RABGAP1L: variants seen among roughly 807,000 people sequenced by gnomAD.
RABGAP1L encodes the protein rab GTPase-activating protein 1-like.
Under a neutral mutation model 137.7 loss-of-function variants are expected in RABGAP1L, and 63 were observed. The ratio of observed to expected loss-of-function variants is 0.46; its 90% CI spans 0.37 to 0.56. The LOEUF is 0.56. RABGAP1L is among the 20% of genes least tolerant of loss of function. The probability of loss-of-function intolerance (pLI) is 0.00; values close to 1 mark genes in which losing one functional copy is unlikely to be tolerated. For synonymous variants in RABGAP1L, 431 were observed against 433.7 expected (o/e 0.99, Z 0.08); for missense variants, 1,095 against 1,244.0 (o/e 0.88, Z 1.80).
At chr1:174,760,241 T>G (rs1278471898) in intron 18 of RABGAP1L, among the ~76,000 whole-genome samples, 1 of 152,082 alleles carries the variant, frequency 6.6e-6, no homozygotes, top group Non-Finnish European at 1.5e-5. Context: ...TATAGATAAA[T>G]TGTGTGTCAT....
intron 17 of RABGAP1L, among the ~76,000 whole-genome samples, chr1:174,709,817 A>G (rs1274221414): frequency 6.6e-6 from 1 of 152,232 alleles, no homozygotes; most frequent in African/African-American, 2.4e-5. Flanking sequence ...AACTGGATGG[A>G]GAATGAGTTT....
At chr1:174,218,908 T>C (rs1669541363) in intron 1 of RABGAP1L, among the ~76,000 whole-genome samples, 1 of 152,166 alleles carries the variant, frequency 6.6e-6, no homozygotes, top group Non-Finnish European at 1.5e-5. Flanking sequence ...GGTAACAATA[T>C]GGCTCTATTA....
intron 19 of RABGAP1L, among the ~76,000 whole-genome samples, chr1:174,865,391 A>G (rs1325407122): frequency 6.6e-6 from 1 of 152,214 alleles, no homozygotes; most frequent in Admixed American, 6.5e-5. Context: ...AGTCTACATT[A>G]AAGAGAAACT....
intron 19 of RABGAP1L, among the ~76,000 whole-genome samples, chr1:174,817,299 T>C (rs1462238229): frequency 2.0e-5 from 3 of 152,184 alleles, no homozygotes; most frequent in Admixed American, 6.5e-5. Flanking sequence ...AAGTTATTTA[T>C]TGAGTGCCTG....
At chr1:174,383,640 G>C (rs566541160) in intron 12 of RABGAP1L, among the ~76,000 whole-genome samples, 1 of 152,292 alleles carries the variant, frequency 6.6e-6, no homozygotes, top group African/African-American at 2.4e-5. Flanking sequence ...GCCTCGCCCT[G>C]CTTCGGCTCG....
intron 14 of RABGAP1L, among the ~76,000 whole-genome samples, chr1:174,678,561 C>T (rs762654261): frequency 5.3e-5 from 8 of 152,048 alleles, no homozygotes; most frequent in Admixed American, 1.3e-4. Context: ...ATTTGAAAAT[C>T]GATATATTTT....
chr1:174,207,226 T>G (rs554161622), intron 1 of RABGAP1L, among the ~76,000 whole-genome samples: 1 of 152,292 alleles, frequency 6.6e-6, no homozygotes, highest in Non-Finnish European at 1.5e-5. Context: ...CTTAACTAAA[T>G]GCATTTTAAA....
chr1:174,161,520 G>A (rs984813193), intron 1 of RABGAP1L, among the ~76,000 whole-genome samples: 2 of 151,840 alleles, frequency 1.3e-5, no homozygotes, highest in East Asian at 3.9e-4. Context: ...GATTACAGGC[G>A]TTAGCCACAG....
intron 13 of RABGAP1L, among the ~76,000 whole-genome samples, chr1:174,624,660 A>G (rs1294464804): frequency 6.6e-6 from 1 of 152,182 alleles, no homozygotes; most frequent in Non-Finnish European, 1.5e-5. Flanking sequence ...TTGGCAATTC[A>G]TTGAAGACAC....
At chr1:174,186,565 T>TA (rs1666820641) in intron 1 of RABGAP1L, among the ~76,000 whole-genome samples, 3 of 152,214 alleles carry the variant, frequency 2.0e-5, no homozygotes, top group African/African-American at 7.2e-5. Context: ...GTAGAAAAAC[T>TA]AGTCAGCTCA....
At chr1:174,308,550 G>A (rs1678519099) in intron 11 of RABGAP1L, among the ~76,000 whole-genome samples, 2 of 151,890 alleles carry the variant, frequency 1.3e-5, no homozygotes, top group South Asian at 4.1e-4. Flanking sequence ...GTATGGTGGT[G>A]TGAGATAAAA....
chr1:174,578,543 A>T (rs1051259264), intron 13 of RABGAP1L, among the ~76,000 whole-genome samples: 1 of 152,136 alleles, frequency 6.6e-6, no homozygotes, highest in African/African-American at 2.4e-5. Context: ...CAGAAAGACC[A>T]TTACTTACAA....
At chr1:174,654,191 A>G (rs1354831378) in intron 14 of RABGAP1L, among the ~76,000 whole-genome samples, 1 of 152,216 alleles carries the variant, frequency 6.6e-6, no homozygotes, top group Non-Finnish European at 1.5e-5. Flanking sequence ...GCCCACCTTA[A>G]TATTCCTGCT....
chr1:174,703,877 A>G (rs535443688), intron 17 of RABGAP1L, among the ~76,000 whole-genome samples: 1 of 152,180 alleles, frequency 6.6e-6, no homozygotes, highest in Non-Finnish European at 1.5e-5. Context: ...CCATTTGTAT[A>G]TCTTCTTTTG....
chr1:174,410,056 A>C (rs574672784), intron 13 of RABGAP1L, among the ~76,000 whole-genome samples: 2 of 151,530 alleles, frequency 1.3e-5, no homozygotes, highest in South Asian at 4.2e-4. Flanking sequence ...TTTGTGACCT[A>C]CTCCCTGTTT....
intron 18 of RABGAP1L, among the ~76,000 whole-genome samples, chr1:174,770,692 CCTCT>C (rs1409685388): frequency 6.6e-6 from 1 of 152,086 alleles, no homozygotes; most frequent in African/African-American, 2.4e-5. Context: ...CTTAAAAATC[CCTCT>C]CTGTCTTCAT....
chr1:174,984,085 C>G (rs1364073296), intron 24 of RABGAP1L, among the ~76,000 whole-genome samples: 1 of 139,070 alleles, frequency 7.2e-6, no homozygotes, highest in Non-Finnish European at 1.5e-5. Flanking sequence ...AAAAGGGATA[C>G]ATGTGCAGAA....
At chr1:174,648,243 C>G (rs577274736) in intron 14 of RABGAP1L, among the ~76,000 whole-genome samples, 63 of 152,102 alleles carry the variant, frequency 4.1e-4, no homozygotes, top group African/African-American at 1.4e-3. Flanking sequence ...TTGTCTTCTG[C>G]TAGTTTTTGA....
chr1:174,241,802 C>A, intron 5 of RABGAP1L, 145 bp downstream of exon 5: 1 of 772,316 alleles, frequency 1.3e-6, no homozygotes, highest in South Asian at 2.1e-5. Context: ...TGACATAGAA[C>A]TGAATGTGGA....
Sources: allele counts gnomAD v4.1 joint callset (sites outside exome capture counted in the v4.1 genomes callset), GRCh38; gene constraint gnomAD v4.1.1; transcripts MANE v1.5; gene names NCBI Gene and HGNC (gene_info 2026-07-23, HGNC 2026-07-21).